XDH: variants seen among roughly 807,000 people sequenced by gnomAD.
XDH encodes the protein xanthine dehydrogenase.
XDH carries 138 observed loss-of-function variants against 156.1 expected under a neutral mutation model. The observed-to-expected ratio is 0.88, with a 90% CI of 0.77 to 1.02. XDH has a LOEUF of 1.02. Ranked by LOEUF, XDH falls within the 50% of genes least tolerant of loss-of-function variation. XDH has a pLI of 0.00. For synonymous variants in XDH, 669 were observed against 625.7 expected (o/e 1.07, Z -1.03); for missense variants, 1,849 against 1,684.9 (o/e 1.10, Z -1.71).
chr2:31,413,669 A>T (rs1368357454), intron 1 of XDH, among the ~76,000 whole-genome samples: 2 of 152,244 alleles, frequency 1.3e-5, no homozygotes, highest in Non-Finnish European at 2.9e-5. Flanking sequence ...ATGCCAATAT[A>T]GAAAGACAAA....
At chr2:31,402,661 C>T (rs1687093521) in intron 3 of XDH, among the ~76,000 whole-genome samples, 2 of 152,220 alleles carry the variant, frequency 1.3e-5, no homozygotes, top group South Asian at 4.2e-4. Flanking sequence ...TCACAATTAT[C>T]TCTGCTTGAA....
chr2:31,375,243 T>G, intron 15 of XDH, 137 bp downstream of exon 15: 3 of 1,175,502 alleles, frequency 2.6e-6, no homozygotes, highest in Non-Finnish European at 3.8e-6. Flanking sequence ...ATTTCCAAGA[T>G]TCTTGTGCTG....
chr2:31,337,538 G>T (rs568061074), intron 35 of XDH, 103 bp downstream of exon 35: 444 of 1,568,310 alleles, frequency 2.8e-4, no homozygotes, highest in Non-Finnish European at 3.6e-4. Context: ...TGCCCGGTTA[G>T]GAGAGAGCCC....
At chr2:31,398,273 C>T (rs541196168) in intron 5 of XDH, among the ~76,000 whole-genome samples, 10 of 152,296 alleles carry the variant, frequency 6.6e-5, no homozygotes, top group East Asian at 1.9e-4. Flanking sequence ...TTCTAAATGA[C>T]GTCTTCCTGC....
chr2:31,374,089 G>T, intron 15 of XDH, 133 bp from the exon 16 acceptor site: 2 of 895,182 alleles, frequency 2.2e-6, no homozygotes, highest in Non-Finnish European at 3.5e-6. Flanking sequence ...TTGAGTGCTG[G>T]CTGGATCTCT....
chr2:31,365,892 G>C, intron 22 of XDH, 84 bp downstream of exon 22: 1 of 1,600,136 alleles, frequency 6.2e-7, no homozygotes, highest in South Asian at 1.1e-5. Context: ...TTCTAACAGG[G>C]GGAAGTCCTG....
intron 10 of XDH, among the ~76,000 whole-genome samples, chr2:31,383,552 C>T (rs1006103158): frequency 1.3e-5 from 2 of 151,956 alleles, no homozygotes; most frequent in African/African-American, 4.8e-5. Context: ...GATCCCGCAG[C>T]CTCTTGCCCA....
intron 12 of XDH, 42 bp downstream of exon 12, chr2:31,381,591 C>T: frequency 1.3e-6 from 2 of 1,598,668 alleles, no homozygotes; most frequent in South Asian, 1.1e-5. Flanking sequence ...GACTTTTCTC[C>T]CCCAAGTCCT....
intron 14 of XDH, among the ~76,000 whole-genome samples, 189 bp downstream of exon 14, chr2:31,376,864 T>C (rs955591081): frequency 1.3e-5 from 2 of 150,594 alleles, no homozygotes; most frequent in Non-Finnish European, 1.5e-5. Context: ...GTATCGGTAA[T>C]AGTAGTAGTA....
At chr2:31,409,739 T>C (rs1166983204) in intron 1 of XDH, among the ~76,000 whole-genome samples, 1 of 151,962 alleles carries the variant, frequency 6.6e-6, no homozygotes, top group African/African-American at 2.4e-5. Flanking sequence ...AAACAGAAAA[T>C]AACTGTTTGC....
At chr2:31,391,841 T>C (rs1686773121) in intron 6 of XDH, among the ~76,000 whole-genome samples, 1 of 152,356 alleles carries the variant, frequency 6.6e-6, no homozygotes, top group East Asian at 1.9e-4. Flanking sequence ...AACTTTTGTA[T>C]TGCCTCTGAT....
chr2:31,359,299 T>C (rs1443486761), intron 24 of XDH, among the ~76,000 whole-genome samples: 1 of 151,936 alleles, frequency 6.6e-6, no homozygotes, highest in African/African-American at 2.4e-5. Context: ...AGAATAGTTT[T>C]GGAAGGGCTG....
In XDH at chr2:31,337,733, T is replaced by C. The variant is rs939984070; in HGVS notation, c.3859A>G (p.Thr1287Ala). ...DAIRAARAQH[T>A]GNNVKELFRL... Reference sequence around the variant, plus strand: ...AAGAGTTCCTTCACGTTATTACCTGTGTGCTGAGCTCGAGCTGCACGGATG... The same window carrying C: ...AAGAGTTCCTTCACGTTATTACCTGCGTGCTGAGCTCGAGCTGCACGGATG... Residue 1287 changes from threonine to alanine, a missense_variant, in exon 35 of 36, where the codon ACA becomes GCA. Physicochemically the swap from Thr to Ala is moderately conservative, Grantham distance 58 (BLOSUM62 0). Coordinates refer to ENST00000379416, the MANE Select transcript of XDH (RefSeq NM_000379.4). The C allele has an allele frequency of 3.1e-6, 5 of 1,614,096 alleles. No homozygotes were observed. The African/African-American group carries it at 6.7e-5, about 22-fold the overall frequency.
chr2:31,377,891 C>T (rs554238069), intron 13 of XDH, among the ~76,000 whole-genome samples: 1 of 150,868 alleles, frequency 6.6e-6, no homozygotes, highest in South Asian at 2.1e-4. Flanking sequence ...TGTGGTGGTG[C>T]ACACCTGTGG....
chr2:31,405,844 G>A, intron 2 of XDH, 63 bp downstream of exon 2: 2 of 1,586,350 alleles, frequency 1.3e-6, no homozygotes, highest in Non-Finnish European at 1.7e-6. Context: ...AACAATGTAA[G>A]GCCTACAGAA....
intron 10 of XDH, among the ~76,000 whole-genome samples, chr2:31,383,524 T>C (rs1050242225): frequency 1.4e-5 from 2 of 145,562 alleles, no homozygotes; most frequent in African/African-American, 5.2e-5. Context: ...GTAGCCAGAA[T>C]TGAGAAAAAT....
rs1411540709 is a variant in XDH, at chr2:31,372,400, G to A, written c.1687-3C>T. 6.2e-6 allele frequency: 10 copies of A among 1,613,844 alleles called. No individual in the cohort carries two copies. The highest frequency in any genetic ancestry group is 8.5e-6 in the Non-Finnish European group (10 of 1,180,034). On this transcript the variant is annotated splice_polypyrimidine_tract_variant and splice_region_variant and intron_variant, in intron 16 of 35. Coordinates refer to ENST00000379416, the MANE Select transcript of XDH (RefSeq NM_000379.4). Reference sequence around the variant, plus strand: ...TCAGACTGACCCTTGGGCACCTCCTGGAATGACAGGGTCATCAATCAGGGT... The same window carrying A: ...TCAGACTGACCCTTGGGCACCTCCTAGAATGACAGGGTCATCAATCAGGGT...
At chr2:31,412,499 G>A (rs1687368509) in intron 1 of XDH, among the ~76,000 whole-genome samples, 1 of 152,104 alleles carries the variant, frequency 6.6e-6, no homozygotes, top group Non-Finnish European at 1.5e-5. Flanking sequence ...GGGGGAGAGG[G>A]GAGGGATAGC....
intron 12 of XDH, among the ~76,000 whole-genome samples, chr2:31,381,245 C>T (rs1392533863): frequency 6.6e-6 from 1 of 152,174 alleles, no homozygotes; most frequent in Non-Finnish European, 1.5e-5. Context: ...ATCCTCCTGC[C>T]TCAGCCTCTC....
Sources: allele counts gnomAD v4.1 joint callset (sites outside exome capture counted in the v4.1 genomes callset), GRCh38; gene constraint gnomAD v4.1.1; transcripts MANE v1.5; gene names NCBI Gene and HGNC (gene_info 2026-07-23, HGNC 2026-07-21).